Variants in KALRN observed in about 807,000 individuals in gnomAD.
The protein encoded by KALRN is kalirin.
Under a neutral mutation model 353.7 loss-of-function variants are expected in KALRN, and 70 were observed. That is an observed-to-expected ratio of 0.20 (90% CI 0.16 to 0.24). The LOEUF (loss-of-function observed/expected upper bound fraction) is 0.24. Among genes scored for constraint, KALRN ranks in the 10% least tolerant of loss-of-function variants. The pLI, the probability that KALRN is intolerant of heterozygous loss-of-function variation, is 1.00. For synonymous variants in KALRN, 1,391 were observed against 1,434.8 expected, an observed-to-expected ratio of 0.97 and a Z score of 0.69; for missense variants, 2,791 against 3,756.7, an observed-to-expected ratio of 0.74 and a Z score of 6.72.
rs3217540 is a variant in KALRN, at chr3:124,326,254, ACT to A, written c.1284+88_1284+89del. On this transcript the variant is annotated intron_variant, in intron 7 of 59. Transcript: ENST00000682506. Reference sequence around the variant, plus strand: ...GGGAGGGCTGGATGGGAGCACACACACTCTCTATAGGGAGCTCCACCTGTCTT... The same window carrying A: ...GGGAGGGCTGGATGGGAGCACACACACTCTATAGGGAGCTCCACCTGTCTT... The A allele has an allele frequency of 0.016, 19,126 of 1,160,156 alleles. 1,296 individuals are homozygous for A. In the East Asian group the frequency reaches 0.22, roughly 13 times the overall value. 71.9% of individuals were successfully genotyped at this position (1,160,156 alleles called of 1,614,324 possible).
chr3:124,628,057 A>G (rs2080163902), intron 34 of KALRN, among the ~76,000 whole-genome samples: 1 of 152,162 alleles, frequency 6.6e-6, no homozygotes. Context: ...AAAGCCTGAG[A>G]TTTGTGCCCA....
At chr3:124,371,487 T>A (rs2085827772) in intron 10 of KALRN, among the ~76,000 whole-genome samples, 1 of 152,202 alleles carries the variant, frequency 6.6e-6, no homozygotes, top group Non-Finnish European at 1.5e-5. Flanking sequence ...AATTGTATTT[T>A]TATTTTTTTC....
intron 2 of KALRN, among the ~76,000 whole-genome samples, chr3:124,233,547 T>C (rs1483581407): frequency 6.6e-6 from 1 of 152,202 alleles, no homozygotes; most frequent in Non-Finnish European, 1.5e-5. Context: ...GGCCTGATCT[T>C]ATGTAATCCT....
chr3:124,395,428 C>A, intron 12 of KALRN, 85 bp downstream of exon 12: 1 of 1,193,238 alleles, frequency 8.4e-7, no homozygotes, highest in Non-Finnish European at 1.2e-6. Context: ...TCAGCAAAAT[C>A]TTGCTTTGTG....
At chr3:124,639,007 C>T (rs1378423973) in intron 37 of KALRN, among the ~76,000 whole-genome samples, 1 of 152,184 alleles carries the variant, frequency 6.6e-6, no homozygotes, top group Admixed American at 6.5e-5. Flanking sequence ...TCCACACTTA[C>T]CTAATATTCT....
intron 33 of KALRN, among the ~76,000 whole-genome samples, chr3:124,543,467 A>T (rs966508505): frequency 6.6e-6 from 1 of 151,760 alleles, no homozygotes; most frequent in African/African-American, 2.4e-5. Context: ...ACGCCCAGCT[A>T]ATTTTTTATA....
chr3:124,623,427 C>CACACAAAA (rs139583497), intron 34 of KALRN, among the ~76,000 whole-genome samples: 2 of 147,128 alleles, frequency 1.4e-5, no homozygotes, highest in Admixed American at 1.4e-4. Flanking sequence ...CACACACACA[C>CACACAAAA]AAAAGGGAGT....
rs149184114 is a variant in KALRN at position 124,138,566 on chromosome 3, G to A, written c.74-89424G>A. On this transcript the variant is annotated intron_variant, in intron 1 of 59. Transcript: ENST00000682506. ...AAGATGAAAAGAGTGACTGAGGCAG[G>A]ATACAAGAAAGCCACTGAGGCCAGA... 2.2e-4 allele frequency among the ~76,000 whole-genome samples: 33 copies of A among 152,300 alleles called. No individual in the cohort carries two copies. The East Asian group carries it at 6.4e-3, about 29-fold the overall frequency.
At position 124,461,950 on chromosome 3, in the gene KALRN, C is replaced by T; in HGVS notation, c.3915C>T (p.Cys1305=). 1 of 1,610,228 alleles carries T rather than the reference C, an allele frequency of 6.2e-7. No individual in the cohort carries two copies. Among genetic ancestry groups the T allele is most frequent in the East Asian group, 2.2e-5 (1 of 44,834 alleles). ...EKAYVRDLHE[C]LETYLWEMTS... The stretch of plus-strand genomic sequence containing the variant: ...CTTATGTAAGGGATTTGCATGAGTG[C>T]TTAGAGGTGAGTCTTCCAGTAATCC... Residue 1305 remains cysteine, a synonymous_variant, in exon 24 of 60, where the codon TGC becomes TGT. Coordinates refer to ENST00000682506, the MANE Select transcript of KALRN (RefSeq NM_001388419.1).
chr3:124,395,635 TA>T (rs1365786310), intron 12 of KALRN: 2 of 385,368 alleles, frequency 5.2e-6, no homozygotes, highest in African/African-American at 4.1e-5. Flanking sequence ...AAAACAAAAG[TA>T]AAAAATAATT....
chr3:124,663,744 GT>G (rs1168995795), intron 45 of KALRN, among the ~76,000 whole-genome samples: 1 of 151,680 alleles, frequency 6.6e-6, no homozygotes, highest in Non-Finnish European at 1.5e-5. Flanking sequence ...CTTGTTTTTT[GT>G]TTTTTGTTTT....
intron 3 of KALRN, among the ~76,000 whole-genome samples, chr3:124,243,733 G>T (rs373254762): frequency 6.6e-6 from 1 of 152,082 alleles, no homozygotes; most frequent in African/African-American, 2.4e-5. Flanking sequence ...GGTGAAATGC[G>T]CATGCTTGCT....
intron 1 of KALRN, among the ~76,000 whole-genome samples, chr3:124,115,226 G>T (rs555312756): frequency 5.2e-4 from 79 of 152,316 alleles, no homozygotes; most frequent in African/African-American, 1.9e-3. Flanking sequence ...GGAATATTGA[G>T]AGAGAAAGCT....
At chr3:124,193,899 A>T (rs2075181691) in intron 1 of KALRN, among the ~76,000 whole-genome samples, 1 of 152,106 alleles carries the variant, frequency 6.6e-6, no homozygotes, top group Non-Finnish European at 1.5e-5. Context: ...AGAACTCTTT[A>T]TAAGTATCAT....
chr3:124,661,090 G>A lies in KALRN; in HGVS notation c.6267+117G>A, dbSNP rs577563201. ...GATCCAGGTGGACCCCTCTCAGACA[G>A]TAAGAGGCTCTTGTAAACAGCTTTG... On this transcript the variant is annotated intron_variant, in intron 44 of 59. Transcript: ENST00000682506. The A allele has an allele frequency of 1.5e-5, 12 of 776,126 alleles. No homozygotes were observed. The African/African-American group carries it at 2.1e-4, about 13-fold the overall frequency. 48.1% of individuals were successfully genotyped at this position (776,126 alleles called of 1,614,324 possible).
chr3:124,122,969 G>T (rs1291124370), intron 1 of KALRN, among the ~76,000 whole-genome samples: 1 of 152,080 alleles, frequency 6.6e-6, no homozygotes, highest in Non-Finnish European at 1.5e-5. Flanking sequence ...TTGGGAGGCC[G>T]AGGTGAGTGG....
rs2063415625 is a variant in KALRN at position 124,726,120 on chromosome 3, C to T, written c.*6650C>T. On this transcript the variant is annotated 3_prime_UTR_variant, in exon 60 of 60. Transcript: ENST00000682506. ...ATTTTTAAATTTTTCTGCTGTTGTTCATTTTGTATGCACACAATGTCGTTT... is the reference window on the plus strand; with the variant it reads ...ATTTTTAAATTTTTCTGCTGTTGTTTATTTTGTATGCACACAATGTCGTTT... The T allele has an allele frequency of 6.6e-6, 1 of 152,010 alleles. No homozygotes were observed. The allele number at this position is 152,010 out of a possible 1,614,324, so 9.4% of individuals were successfully genotyped here.
chr3:124,502,876 C>T (rs1191399035), intron 33 of KALRN, among the ~76,000 whole-genome samples: 3 of 152,210 alleles, frequency 2.0e-5, no homozygotes, highest in African/African-American at 7.2e-5. Flanking sequence ...TAGCACTTCA[C>T]ATGGTAATAT....
At chr3:124,121,465 TAA>T (rs1226750482) in intron 1 of KALRN, among the ~76,000 whole-genome samples, 2 of 152,196 alleles carry the variant, frequency 1.3e-5, no homozygotes, top group Non-Finnish European at 2.9e-5. Flanking sequence ...GAGGGCATTT[TAA>T]GTTTTTCAGA....
Sources: gnomAD v4.1 joint callset for allele counts (sites outside exome capture counted in the v4.1 genomes callset) on GRCh38, gnomAD v4.1.1 for gene constraint, MANE v1.5 for transcripts, NCBI Gene and HGNC (gene_info 2026-07-23, HGNC 2026-07-21) for gene names.